UNC5D: variants seen among roughly 807,000 people sequenced by gnomAD.
UNC5D encodes the protein netrin receptor UNC5D.
UNC5D carries 39 observed loss-of-function variants against 105.4 expected under a neutral mutation model. That is an observed-to-expected ratio of 0.37 (90% confidence interval 0.29 to 0.48). UNC5D has a LOEUF of 0.48. UNC5D is among the 20% of genes least tolerant of loss of function. The pLI, the probability that UNC5D is intolerant of heterozygous loss-of-function variation, is 0.98. For missense variants in UNC5D, 991 were observed against 1,202.4 expected, an observed-to-expected ratio of 0.82 and a Z score of 2.60; for synonymous variants, 452 against 450.4, an observed-to-expected ratio of 1.00 and a Z score of -0.04.
chr8:35,425,677 G>A lies in UNC5D; in HGVS notation c.104-123615G>A, dbSNP rs111588956. 9.2e-5 allele frequency among the ~76,000 whole-genome samples: 14 copies of A among 152,170 alleles called. 1 individual carries two copies. The highest frequency in any genetic ancestry group is 3.1e-4 in the African/African-American group (13 of 41,512). On this transcript the variant is annotated intron_variant, in intron 1 of 16. Transcript: ENST00000404895. The stretch of plus-strand genomic sequence containing the variant: ...AACCAATTGTCTTTCTCCTATTCAC[G>A]TCTCTGTCATCCTCTGGCACCTTTT...
intron 4 of UNC5D, among the ~76,000 whole-genome samples, chr8:35,680,427 T>A (rs867728574): frequency 1.3e-4 from 20 of 152,190 alleles, no homozygotes; most frequent in South Asian, 4.1e-4. Context: ...GATTTTTTTT[T>A]ATTTCATGTA....
At chr8:35,313,920 G>A (rs1036072587) in intron 1 of UNC5D, among the ~76,000 whole-genome samples, 10 of 152,160 alleles carry the variant, frequency 6.6e-5, no homozygotes, top group Admixed American at 6.5e-4. Context: ...TTGTTAAGAT[G>A]AATCGATGTG....
In UNC5D at chr8:35,458,523, A is replaced by C. The variant is rs1808650665; in HGVS notation, c.104-90769A>C. ...TAATTAATAGCATCTAAAGGAAAGC[A>C]AGAGAAAAGAAAGCCCTCACTCTTG... On this transcript the variant is annotated intron_variant, in intron 1 of 16. Coordinates refer to ENST00000404895, the MANE Select transcript of UNC5D (RefSeq NM_080872.4). Among the ~76,000 whole-genome samples, 3 of 152,144 alleles carry C rather than the reference A, an allele frequency of 2.0e-5. 1 individual carries two copies. In the East Asian group the frequency reaches 5.8e-4, roughly 29 times the overall value.
chr8:35,344,492 G>A (rs1811667972), intron 1 of UNC5D, among the ~76,000 whole-genome samples: 1 of 152,140 alleles, frequency 6.6e-6, no homozygotes, highest in East Asian at 1.9e-4. Flanking sequence ...CTGTGCAGGA[G>A]TATAAATGAT....
At position 35,791,573 on chromosome 8, in the gene UNC5D, A is replaced by G. The variant is rs1803044418; in HGVS notation, c.*1010A>G. 2.0e-5 allele frequency: 3 copies of G among 152,294 alleles called. No individual in the cohort carries two copies. Among genetic ancestry groups the G allele is most frequent in the Non-Finnish European group, 4.4e-5 (3 of 68,024 alleles). The allele number at this position is 152,294 out of a possible 1,614,324, so 9.4% of individuals were successfully genotyped here. A position where few individuals can be genotyped will look rare whatever the true frequency, so the allele number is the denominator to read the frequency against. On this transcript the variant is annotated 3_prime_UTR_variant, in exon 17 of 17. Coordinates refer to ENST00000404895, the MANE Select transcript of UNC5D (RefSeq NM_080872.4). ...GCATTTTTCAATCCAGATTCTTGAAATTGTCTAACATGTGGGTACTGTGTC... is the reference window on the plus strand; with the variant it reads ...GCATTTTTCAATCCAGATTCTTGAAGTTGTCTAACATGTGGGTACTGTGTC...
chr8:35,399,496 G>T (rs1273731982), intron 1 of UNC5D, among the ~76,000 whole-genome samples: 2 of 152,064 alleles, frequency 1.3e-5, no homozygotes. Context: ...AAAGTGAAGA[G>T]TTTGTCAACT....
intron 1 of UNC5D, among the ~76,000 whole-genome samples, chr8:35,402,797 T>C (rs1251923052): frequency 2.0e-5 from 3 of 152,172 alleles, no homozygotes; most frequent in Admixed American, 6.5e-5. Context: ...CCCAAAAGAA[T>C]AGTGAGAGGT....
chr8:35,414,121 T>G (rs1034966155), intron 1 of UNC5D, among the ~76,000 whole-genome samples: 4 of 152,158 alleles, frequency 2.6e-5, no homozygotes, highest in African/African-American at 9.6e-5. Context: ...ATTCATTAAT[T>G]CTACTGTTTA....
At chr8:35,650,239 T>C (rs1456782221) in intron 4 of UNC5D, among the ~76,000 whole-genome samples, 1 of 152,212 alleles carries the variant, frequency 6.6e-6, no homozygotes, top group Non-Finnish European at 1.5e-5. Flanking sequence ...ACCGAGGCTC[T>C]GGCCTGCTCC....
intron 4 of UNC5D, among the ~76,000 whole-genome samples, chr8:35,607,982 A>G (rs1015750804): frequency 6.6e-6 from 1 of 152,162 alleles, no homozygotes. Context: ...ATTTCTTCTT[A>G]TAAGGACACC....
intron 3 of UNC5D, among the ~76,000 whole-genome samples, chr8:35,575,544 A>G (rs1235667175): frequency 1.3e-5 from 2 of 152,188 alleles, no homozygotes; most frequent in African/African-American, 2.4e-5. Context: ...TCTGTTGTTC[A>G]GTGTACAGCT....
At chr8:35,789,137 CTATATATATATATATATATATATATATA>C (rs58201859) in intron 16 of UNC5D, among the ~76,000 whole-genome samples, 5,017 of 32,560 alleles carry the variant, frequency 0.15, 563 homozygotes, top group Middle Eastern at 0.28. Flanking sequence ...GGAGAAAAGA[CTATATATATATATATATATATATATATA>C]TATATATATA....
rs1278160580 is a variant in UNC5D at position 35,519,766 on chromosome 8, A to G, written c.104-29526A>G. Reference sequence around the variant, plus strand: ...AAGGTGAACTGTAAAAACAACATTGAGTTCAGAAAAGCAATCAGAAGAATA... The same window carrying G: ...AAGGTGAACTGTAAAAACAACATTGGGTTCAGAAAAGCAATCAGAAGAATA... On this transcript the variant is annotated intron_variant, in intron 1 of 16. Transcript: ENST00000404895. 3.3e-5 allele frequency among the ~76,000 whole-genome samples: 5 copies of G among 152,108 alleles called. 1 individual carries two copies. The South Asian group carries it at 6.2e-4, about 19-fold the overall frequency.
chr8:35,268,043 G>C (rs1224577633), intron 1 of UNC5D, among the ~76,000 whole-genome samples: 4 of 152,244 alleles, frequency 2.6e-5, no homozygotes, highest in Admixed American at 2.6e-4. Flanking sequence ...TTAGAGTTTG[G>C]AAGTGAGTGC....
intron 1 of UNC5D, among the ~76,000 whole-genome samples, chr8:35,332,884 A>G (rs1810731681): frequency 6.6e-6 from 1 of 152,220 alleles, no homozygotes; most frequent in African/African-American, 2.4e-5. Context: ...TAACTGTGCA[A>G]ACATAGCTGC....
chr8:35,370,216 A>G (rs1802350948), intron 1 of UNC5D, among the ~76,000 whole-genome samples: 2 of 152,142 alleles, frequency 1.3e-5, no homozygotes, highest in African/African-American at 2.4e-5. Context: ...AACCATGGCT[A>G]CTCATTTTGA....
At chr8:35,614,167 C>T (rs1173366597) in intron 4 of UNC5D, among the ~76,000 whole-genome samples, 2 of 152,146 alleles carry the variant, frequency 1.3e-5, no homozygotes, top group Non-Finnish European at 2.9e-5. Context: ...AGCTCTTTAC[C>T]CTTCTCCCCT....
intron 1 of UNC5D, among the ~76,000 whole-genome samples, chr8:35,281,353 T>C (rs1359000336): frequency 1.3e-5 from 2 of 152,180 alleles, no homozygotes; most frequent in East Asian, 3.9e-4. Flanking sequence ...ATACCTATGT[T>C]ACTGAGTGGA....
At chr8:35,697,160 C>T (rs1826840870) in intron 7 of UNC5D, among the ~76,000 whole-genome samples, 1 of 149,334 alleles carries the variant, frequency 6.7e-6, no homozygotes, top group Non-Finnish European at 1.5e-5. Flanking sequence ...CACACACACA[C>T]AACATAAGCA....
Sources: allele counts gnomAD v4.1 joint callset (sites outside exome capture counted in the v4.1 genomes callset), GRCh38; gene constraint gnomAD v4.1.1; transcripts MANE v1.5; gene names NCBI Gene and HGNC (gene_info 2026-07-23, HGNC 2026-07-21).